The following CEP85L variants were observed in gnomAD, a reference collection of about 807,000 sequenced individuals.
The protein encoded by CEP85L is centrosomal protein of 85 kDa-like.
Under a neutral mutation model 100.3 loss-of-function variants are expected in CEP85L, and 60 were observed. The observed-to-expected ratio is 0.60, with a 90% CI of 0.49 to 0.74. The LOEUF (loss-of-function observed/expected upper bound fraction) is 0.74. Ranked by LOEUF, CEP85L falls within the 30% of genes least tolerant of loss-of-function variation. CEP85L has a pLI of 0.00. For synonymous variants in CEP85L, 319 were observed against 322.7 expected (o/e 0.99, Z 0.12); for missense variants, 973 against 936.2 (o/e 1.04, Z -0.51).
At position 118,607,324 on chromosome 6, in the gene CEP85L, G is replaced by A. The variant is rs143500081; in HGVS notation, c.232+25129C>T. ...TATTGCCTGTGGCAGGGTGGGGAAG[G>A]TGAACAGCTTAGGGAGGCCAGAGAA... On this transcript the variant is annotated intron_variant, in intron 2 of 12. Transcript: ENST00000368491. Among the ~76,000 whole-genome samples the A allele has an allele frequency of 3.7e-3, 566 of 152,280 alleles. 3 individuals are homozygous for A. Among genetic ancestry groups the A allele is most frequent in the African/African-American group, 0.013 (540 of 41,554 alleles).
At chr6:118,542,685 C>T (rs929356525) in intron 3 of CEP85L, among the ~76,000 whole-genome samples, 1 of 151,864 alleles carries the variant, frequency 6.6e-6, no homozygotes, top group African/African-American at 2.4e-5. Context: ...CCTTGACCAA[C>T]CTTCAACCAC....
intron 2 of CEP85L, among the ~76,000 whole-genome samples, chr6:118,625,266 G>A (rs1285445266): frequency 6.6e-6 from 1 of 152,226 alleles, no homozygotes; most frequent in Non-Finnish European, 1.5e-5. Context: ...GCTTATTGAT[G>A]TCTAAAGGGC....
intron 2 of CEP85L, among the ~76,000 whole-genome samples, chr6:118,568,975 G>GT (rs1779710198): frequency 6.6e-6 from 1 of 151,984 alleles, no homozygotes; most frequent in South Asian, 2.1e-4. Context: ...AATTAGTCTT[G>GT]TATCAAGTTG....
chr6:118,592,477 A>G (rs1321875097), intron 2 of CEP85L, among the ~76,000 whole-genome samples: 3 of 152,108 alleles, frequency 2.0e-5, no homozygotes, highest in Non-Finnish European at 4.4e-5. Flanking sequence ...GTTAATTTTA[A>G]GGCTAATTGA....
intron 3 of CEP85L, among the ~76,000 whole-genome samples, chr6:118,548,030 A>G (rs756716076): frequency 6.6e-6 from 1 of 152,108 alleles, no homozygotes; most frequent in Non-Finnish European, 1.5e-5. Flanking sequence ...CTAAGCCTGA[A>G]GATGCATGAA....
chr6:118,525,544 C>CA (rs1424878527), intron 3 of CEP85L, among the ~76,000 whole-genome samples: 1 of 152,106 alleles, frequency 6.6e-6, no homozygotes, highest in African/African-American at 2.4e-5. Context: ...TGAAGAGACA[C>CA]AGAGACAATG....
chr6:118,502,826 G>T, intron 5 of CEP85L: 2 of 629,254 alleles, frequency 3.2e-6, no homozygotes, highest in Non-Finnish European at 6.0e-6. Context: ...AGTTCAAAAA[G>T]CAATGGGGAT....
At chr6:118,486,363 A>G (rs1388870929) in intron 6 of CEP85L, among the ~76,000 whole-genome samples, 1 of 152,222 alleles carries the variant, frequency 6.6e-6, no homozygotes, top group African/African-American at 2.4e-5. Flanking sequence ...CAATACTGAT[A>G]TCATTCCTAG....
chr6:118,515,992 A>G (rs994774597), intron 4 of CEP85L, among the ~76,000 whole-genome samples: 3 of 152,120 alleles, frequency 2.0e-5, no homozygotes, highest in African/African-American at 7.2e-5. Context: ...GAGTGAGAAC[A>G]TGTGGTGTCT....
intron 2 of CEP85L, among the ~76,000 whole-genome samples, chr6:118,606,013 C>CAAA (rs61023993): frequency 1.2e-3 from 118 of 101,952 alleles, no homozygotes; most frequent in Middle Eastern, 5.2e-3. Context: ...GACTCTGTCT[C>CAAA]AAAAAAAAAA....
intron 1 of CEP85L, among the ~76,000 whole-genome samples, chr6:118,684,063 C>T (rs2798326): frequency 0.45 from 68,991 of 152,020 alleles, 16,294 homozygotes; most frequent in African/African-American, 0.57. Flanking sequence ...AACATCCATC[C>T]CAAATAAGTT....
chr6:118,624,835 C>G (rs955225497), intron 2 of CEP85L, among the ~76,000 whole-genome samples: 1 of 152,220 alleles, frequency 6.6e-6, no homozygotes, highest in Non-Finnish European at 1.5e-5. Flanking sequence ...TAATTAAAAA[C>G]TTGATCCAAC....
chr6:118,561,147 G>A (rs1413899914), intron 3 of CEP85L, among the ~76,000 whole-genome samples: 1 of 152,154 alleles, frequency 6.6e-6, no homozygotes, highest in African/African-American at 2.4e-5. Flanking sequence ...GAACAGAAGG[G>A]CAGAGATTTC....
At chr6:118,574,788 G>A (rs374648580) in intron 2 of CEP85L, among the ~76,000 whole-genome samples, 45 of 152,342 alleles carry the variant, frequency 3.0e-4, no homozygotes, top group East Asian at 2.7e-3. Flanking sequence ...GGTTGAAAGT[G>A]TGTGAATGAG....
At position 118,462,909 on chromosome 6, in the gene CEP85L, C is replaced by T. The variant is rs900877406; in HGVS notation, c.*2496G>A. On this transcript the variant is annotated 3_prime_UTR_variant, in exon 13 of 13. Coordinates refer to ENST00000368491, the MANE Select transcript of CEP85L (RefSeq NM_001042475.3). Reference sequence around the variant, plus strand: ...TTTCAATTCCCCCACAAAATCCCTCCAAGTCTATCTACTGTTTATGTAGGC... The same window carrying T: ...TTTCAATTCCCCCACAAAATCCCTCTAAGTCTATCTACTGTTTATGTAGGC... 6.6e-6 allele frequency: 1 copy of T among 151,806 alleles called. No individual in the cohort carries two copies. The highest frequency in any genetic ancestry group is 1.9e-4 in the East Asian group (1 of 5,188). The allele number at this position is 151,806 out of a possible 1,614,324, so 9.4% of individuals were successfully genotyped here.
At chr6:118,574,558 T>C (rs990872803) in intron 2 of CEP85L, among the ~76,000 whole-genome samples, 14 of 152,284 alleles carry the variant, frequency 9.2e-5, no homozygotes, top group African/African-American at 3.1e-4. Context: ...TCCAATCACC[T>C]CTCATAAGGA....
intron 2 of CEP85L, among the ~76,000 whole-genome samples, chr6:118,600,128 AAAG>A (rs1238016527): frequency 6.6e-6 from 1 of 152,156 alleles, no homozygotes; most frequent in African/African-American, 2.4e-5. Context: ...AATATGTCTT[AAAG>A]AAGAATTCCA....
At chr6:118,593,046 G>A (rs1042798190) in intron 2 of CEP85L, among the ~76,000 whole-genome samples, 110 of 152,210 alleles carry the variant, frequency 7.2e-4, no homozygotes, top group African/African-American at 2.5e-3. Context: ...ATTCAGCAAA[G>A]TAAACTAATG....
chr6:118,706,265 A>G (rs1777590231), intron 1 of CEP85L, among the ~76,000 whole-genome samples: 1 of 152,238 alleles, frequency 6.6e-6, no homozygotes, highest in Non-Finnish European at 1.5e-5. Context: ...TCATCAATCA[A>G]AGTGCCAGAA....
Sources: gnomAD v4.1 joint callset for allele counts (sites outside exome capture counted in the v4.1 genomes callset) on GRCh38, gnomAD v4.1.1 for gene constraint, MANE v1.5 for transcripts, NCBI Gene and HGNC (gene_info 2026-07-23, HGNC 2026-07-21) for gene names.